Variants in NEK5 observed in about 807,000 individuals in gnomAD.
NEK5 encodes the protein NIMA related kinase 5, also known as serine/threonine-protein kinase Nek5.
NEK5 carries 88 observed loss-of-function variants against 109.2 expected under a neutral mutation model. The observed-to-expected ratio is 0.81, with a 90% CI of 0.68 to 0.96. The LOEUF is 0.96. Ranked by LOEUF, NEK5 falls within the 40% of genes least tolerant of loss-of-function variation. NEK5 has a pLI of 0.00. For missense variants in NEK5, 834 were observed against 920.7 expected, an observed-to-expected ratio of 0.91 and a Z score of 1.22; for synonymous variants, 283 against 299.9, an observed-to-expected ratio of 0.94 and a Z score of 0.58.
intron 17 of NEK5, among the ~76,000 whole-genome samples, chr13:52,079,321 C>CTCCCTCTCCCT: frequency 1.4e-5 from 1 of 73,230 alleles, no homozygotes; most frequent in African/African-American, 6.8e-5. Flanking sequence ...TCCCTCTCCC[C>CTCCCTCTCCCT]TCTTTCCACG....
At chr13:52,045,155 G>C (rs1358952572) in intron 23 of NEK5, among the ~76,000 whole-genome samples, 1 of 117,582 alleles carries the variant, frequency 8.5e-6, no homozygotes, top group Non-Finnish European at 1.7e-5. Flanking sequence ...TTTTTGAGAC[G>C]GAGTCTCTCT....
intron 3 of NEK5, among the ~76,000 whole-genome samples, chr13:52,126,488 A>G (rs1956065447): frequency 1.3e-5 from 2 of 152,342 alleles, no homozygotes; most frequent in African/African-American, 4.8e-5. Flanking sequence ...TAGTAAGAAA[A>G]TAAACCAGGC....
chr13:52,115,366 A>G (rs1365825853), intron 4 of NEK5, among the ~76,000 whole-genome samples: 1 of 151,348 alleles, frequency 6.6e-6, no homozygotes, highest in Non-Finnish European at 1.5e-5. Context: ...GCACTTTGGG[A>G]GGCCGAGATG....
intron 20 of NEK5, among the ~76,000 whole-genome samples, chr13:52,066,180 ATTAAGTATTCTTCTATACAGCTGTT>A (rs1416255586): frequency 6.6e-6 from 1 of 152,216 alleles, no homozygotes; most frequent in East Asian, 1.9e-4. Flanking sequence ...TATCCAGGTT[ATTAAGTATTCTTCTATACAGCTGTT>A]TTAAAGCAAT....
intron 12 of NEK5, among the ~76,000 whole-genome samples, chr13:52,097,730 T>C (rs1339694734): frequency 6.6e-6 from 1 of 152,122 alleles, no homozygotes; most frequent in Non-Finnish European, 1.5e-5. Flanking sequence ...AATGCTGAAA[T>C]GAGTTAAGCC....
At chr13:52,088,893 C>G (rs1294719492) in intron 14 of NEK5, among the ~76,000 whole-genome samples, 1 of 151,618 alleles carries the variant, frequency 6.6e-6, no homozygotes, top group Non-Finnish European at 1.5e-5. Context: ...GAGTTCGAGA[C>G]CAGCCTGGAC....
rs748664031 is a variant in NEK5 at position 52,112,348 on chromosome 13, T to A, written c.232A>T (p.Ile78Phe). Residue 78 changes from isoleucine (I) to phenylalanine (F), a missense_variant, in exon 5 of 24, where the codon ATT becomes TTT. By Grantham distance (21) the Ile-to-Phe change is conservative. Transcript: ENST00000684899. ...NSFQENGRLF[I>F]VMEYCDGGDL... ...CCTCCATCACAATATTCCATTACAA[T>A]AAACAGCCTGCCATTCTCTGTAAGA... is the stretch of plus-strand genomic sequence containing the variant. 1.2e-6 allele frequency: 2 copies of A among 1,602,932 alleles called. No individual in the cohort carries two copies. The highest frequency in any genetic ancestry group is 2.2e-5 in the East Asian group (1 of 44,786).
At chr13:52,103,500 T>C (rs1325218616) in intron 9 of NEK5, among the ~76,000 whole-genome samples, 2 of 152,172 alleles carry the variant, frequency 1.3e-5, no homozygotes, top group Admixed American at 6.5e-5. Flanking sequence ...TTAATAACAA[T>C]GATGACAGCT....
At position 52,104,480 on chromosome 13, in the gene NEK5, G is replaced by A. The variant is rs752855119; in HGVS notation, c.609+18C>T. On this transcript the variant is annotated intron_variant, in intron 9 of 23. Transcript: ENST00000684899. ...AATTCCAATAATTCAAGATTAGTCT[G>A]ACAATGAGCATACTTACAGGATGTT... 6.5e-7 allele frequency: 1 copy of A among 1,547,044 alleles called. No homozygotes were observed. The highest frequency in any genetic ancestry group is 8.9e-7 in the Non-Finnish European group (1 of 1,119,628).
chr13:52,110,305 T>A (rs750293237), intron 7 of NEK5, 35 bp downstream of exon 7: 2 of 1,394,802 alleles, frequency 1.4e-6, no homozygotes, highest in Non-Finnish European at 2.0e-6. Flanking sequence ...TGGGCTATTT[T>A]GACTAGAAAG....
In NEK5 at chr13:52,086,353, T is replaced by C; in HGVS notation, c.1403A>G (p.Lys468Arg). ...CTGTTGGCGTATTTCCTCTAACTGC[T>C]TCCAATATTCCTGGAAAGCAAACCC... is the stretch of plus-strand genomic sequence containing the variant. ...KNEMKEQEYWKQLEEIRQQYH... is the reference protein window; with the variant it reads ...KNEMKEQEYWRQLEEIRQQYH... The change falls in exon 16 of 24, where the codon AAG becomes AGG. Residue 468 changes from lysine (K) to arginine (R), a missense_variant. By Grantham distance (26) the Lys-to-Arg change is conservative (BLOSUM62 2). Coordinates refer to ENST00000684899, the MANE Select transcript of NEK5 (RefSeq NM_001365552.1). 6.2e-7 allele frequency: 1 copy of C among 1,609,620 alleles called. No individual in the cohort carries two copies. Among genetic ancestry groups the C allele is most frequent in the Non-Finnish European group, 8.5e-7 (1 of 1,176,146 alleles).
intron 12 of NEK5, among the ~76,000 whole-genome samples, chr13:52,097,179 T>C (rs550786249): frequency 2.0e-5 from 3 of 152,266 alleles, no homozygotes; most frequent in Non-Finnish European, 4.4e-5. Context: ...CAGAAGCCTG[T>C]TTCAGGGGGA....
intron 22 of NEK5, among the ~76,000 whole-genome samples, chr13:52,055,537 G>C (rs1018512685): frequency 3.3e-5 from 5 of 152,034 alleles, no homozygotes; most frequent in Non-Finnish European, 5.9e-5. Flanking sequence ...AAATGTTAAG[G>C]GCAGCCAGAG....
intron 12 of NEK5, among the ~76,000 whole-genome samples, chr13:52,099,298 C>T (rs1420766264): frequency 2.6e-5 from 4 of 151,956 alleles, no homozygotes; most frequent in Admixed American, 6.6e-5. Flanking sequence ...TTTGGGAGGC[C>T]GAGGCAGGCT....
chr13:52,090,427 T>C (rs1303062151), intron 13 of NEK5, among the ~76,000 whole-genome samples: 1 of 152,108 alleles, frequency 6.6e-6, no homozygotes, highest in Non-Finnish European at 1.5e-5. Context: ...GATTTAGAAA[T>C]AGGATGAAAT....
chr13:52,061,950 C>T lies in NEK5; in HGVS notation c.1979G>A (p.Gly660Asp). 3.3e-6 allele frequency: 2 copies of T among 612,382 alleles called. No homozygotes were observed. Among genetic ancestry groups the T allele is most frequent in the South Asian group, 7.2e-5 (1 of 13,816 alleles). The allele number at this position is 612,382 out of a possible 1,614,324, so 37.9% of individuals were successfully genotyped here. Residue 660 changes from glycine (G) to aspartate (D), a missense_variant, in exon 22 of 24, where the codon GGC becomes GAC. Gly to Asp is a moderately conservative substitution (Grantham distance 94). Transcript: ENST00000684899. ...TSTCPTGPDN[G>D]QVIVIEGIPG... ...AATGCCTTCAATCACAATAACTTGG[C>T]CATCTGAAGAGGAAAGTGTTATTAA...
intron 23 of NEK5, among the ~76,000 whole-genome samples, chr13:52,042,818 A>G (rs1475547844): frequency 1.3e-5 from 2 of 152,030 alleles, no homozygotes; most frequent in Non-Finnish European, 2.9e-5. Context: ...TTATGGGGGG[A>G]AAATTAATAT....
intron 23 of NEK5, among the ~76,000 whole-genome samples, chr13:52,037,727 T>C (rs1331204782): frequency 6.6e-6 from 1 of 152,030 alleles, no homozygotes; most frequent in African/African-American, 2.4e-5. Flanking sequence ...ATCGAGACCA[T>C]CCTGGCTAAC....
In NEK5 at chr13:52,072,048, G is replaced by C. The variant is rs757316761; in HGVS notation, c.1745C>G (p.Thr582Ser). 6.2e-7 allele frequency: 1 copy of C among 1,611,062 alleles called. No individual in the cohort carries two copies. The highest frequency in any genetic ancestry group is 8.5e-7 in the Non-Finnish European group (1 of 1,177,454). Residue 582 changes from threonine (T) to serine (S), a missense_variant, in exon 20 of 24, where the codon ACT becomes AGT. Physicochemically the swap from Thr to Ser is moderately conservative, Grantham distance 58. Around this residue, in one of 2 missense-constraint regions of NEK5, gnomAD observed 777 missense variants for 824.7 expected, o/e 0.94. Transcript: ENST00000684899. ...CTTCATGCCATCCTCAAAGGTCAAA[G>C]TTTCATTTGGTATATCCATTGCCTA... ...EEEAMDIPNETLTFEDGMKFK... is the reference protein window; with the variant it reads ...EEEAMDIPNESLTFEDGMKFK...
Sources: allele counts gnomAD v4.1 joint callset (sites outside exome capture counted in the v4.1 genomes callset), GRCh38; gene constraint gnomAD v4.1.1; regional missense constraint gnomAD v4.1.1; transcripts MANE v1.5; gene names NCBI Gene and HGNC (gene_info 2026-07-23, HGNC 2026-07-21).